The following TENM4 variants were observed in gnomAD, a reference collection of about 807,000 sequenced individuals.
The protein encoded by TENM4 is teneurin-4.
TENM4 carries 82 observed loss-of-function variants against 243.3 expected under a neutral mutation model. The ratio of observed to expected loss-of-function variants is 0.34; its 90% confidence interval spans 0.28 to 0.40. The LOEUF (loss-of-function observed/expected upper bound fraction) is 0.40. TENM4 is among the 10% of genes least tolerant of loss of function. TENM4 has a pLI of 1.00. For synonymous variants in TENM4, 1,412 were observed against 1,456.3 expected (o/e 0.97, Z 0.69); for missense variants, 3,138 against 3,673.3 (o/e 0.85, Z 3.77).
At chr11:78,706,815 C>T (rs780299080) in intron 27 of TENM4, among the ~76,000 whole-genome samples, 3 of 152,044 alleles carry the variant, frequency 2.0e-5, no homozygotes, top group Non-Finnish European at 4.4e-5. Context: ...TACTTGTATG[C>T]ACATCCTTAG....
At chr11:78,988,218 G>T (rs1857962565) in intron 6 of TENM4, among the ~76,000 whole-genome samples, 2 of 152,160 alleles carry the variant, frequency 1.3e-5, no homozygotes, top group Admixed American at 6.5e-5. Context: ...CTATGGAGGG[G>T]TCCATGTGTA....
intron 2 of TENM4, among the ~76,000 whole-genome samples, chr11:79,227,524 G>C (rs1443609100): frequency 6.6e-6 from 1 of 152,182 alleles, no homozygotes; most frequent in African/African-American, 2.4e-5. Context: ...CTTGGGCTGG[G>C]ATAAAGAGCC....
At chr11:78,908,335 A>G (rs1466032933) in intron 6 of TENM4, among the ~76,000 whole-genome samples, 1 of 152,240 alleles carries the variant, frequency 6.6e-6, no homozygotes, top group African/African-American at 2.4e-5. Context: ...GAGAATTAAA[A>G]GAGATAATGT....
intron 1 of TENM4, among the ~76,000 whole-genome samples, chr11:79,338,699 T>C (rs1048367813): frequency 6.6e-6 from 1 of 152,188 alleles, no homozygotes. Context: ...AGACAAGAAT[T>C]CCAAATTTTC....
intron 1 of TENM4, among the ~76,000 whole-genome samples, chr11:79,367,333 C>T (rs925149297): frequency 9.9e-5 from 15 of 152,206 alleles, no homozygotes; most frequent in Non-Finnish European, 1.3e-4. Flanking sequence ...TTGGAGGATT[C>T]CTTTACAAGA....
chr11:78,747,331 G>A (rs1439511969), intron 19 of TENM4, among the ~76,000 whole-genome samples: 1 of 152,234 alleles, frequency 6.6e-6, no homozygotes, highest in Non-Finnish European at 1.5e-5. Flanking sequence ...AGGGCACTAG[G>A]CTGCTGAAGT....
intron 6 of TENM4, among the ~76,000 whole-genome samples, chr11:78,961,290 A>T (rs1012782803): frequency 5.3e-5 from 8 of 152,174 alleles, no homozygotes; most frequent in Non-Finnish European, 1.0e-4. Context: ...ATCCTAGGTT[A>T]CCTCATGTAC....
At chr11:79,431,438 C>G (rs1203797036) in intron 1 of TENM4, among the ~76,000 whole-genome samples, 1 of 152,190 alleles carries the variant, frequency 6.6e-6, no homozygotes, top group Non-Finnish European at 1.5e-5. Context: ...CTGCCCATCT[C>G]TGATTATTTT....
At chr11:78,793,589 T>TG (rs1168671510) in intron 15 of TENM4, among the ~76,000 whole-genome samples, 1 of 152,246 alleles carries the variant, frequency 6.6e-6, no homozygotes, top group African/African-American at 2.4e-5. Flanking sequence ...TCAGAAATTC[T>TG]GGCATACTTA....
At chr11:79,393,898 G>T (rs1012806685) in intron 1 of TENM4, among the ~76,000 whole-genome samples, 4 of 152,206 alleles carry the variant, frequency 2.6e-5, no homozygotes, top group African/African-American at 7.2e-5. Context: ...GCAGTGGGGG[G>T]TTGGAGGATG....
At chr11:78,831,922 T>A (rs553142690) in intron 12 of TENM4, among the ~76,000 whole-genome samples, 1 of 152,318 alleles carries the variant, frequency 6.6e-6, no homozygotes, top group South Asian at 2.1e-4. Context: ...AGCCAGTCAA[T>A]ATACCCTTGC....
At chr11:78,730,734 T>C (rs1435013218) in intron 21 of TENM4, among the ~76,000 whole-genome samples, 2 of 152,244 alleles carry the variant, frequency 1.3e-5, no homozygotes, top group East Asian at 3.8e-4. Flanking sequence ...ATGGCTATTC[T>C]ACCCTACGTT....
intron 11 of TENM4, among the ~76,000 whole-genome samples, chr11:78,855,724 G>A (rs1049968110): frequency 3.3e-5 from 5 of 152,186 alleles, no homozygotes; most frequent in African/African-American, 1.2e-4. Context: ...TTAGGAGACT[G>A]AGTAATAGCA....
Position 79,079,106 on chromosome 11 carries a change from G to C in TENM4, c.-65-9097C>G, listed in dbSNP as rs1216244951. On this transcript the variant is annotated intron_variant, in intron 4 of 33. Coordinates refer to ENST00000278550, the MANE Select transcript of TENM4 (RefSeq NM_001098816.3). ...TTGATACGTGCCCTGTACAGAAAGAGAACTGTCGGGACAGAGACAGGGCTT... is the reference window on the plus strand; with the variant it reads ...TTGATACGTGCCCTGTACAGAAAGACAACTGTCGGGACAGAGACAGGGCTT... Among the ~76,000 whole-genome samples the C allele has an allele frequency of 3.9e-5, 6 of 152,386 alleles. No individual in the cohort carries two copies. The East Asian group carries it at 1.2e-3, about 29-fold the overall frequency.
intron 2 of TENM4, among the ~76,000 whole-genome samples, chr11:79,253,611 G>A (rs551632871): frequency 2.6e-5 from 4 of 152,260 alleles, no homozygotes; most frequent in African/African-American, 9.6e-5. Flanking sequence ...TGTCTGATTG[G>A]TACAGCTTCT....
intron 10 of TENM4, among the ~76,000 whole-genome samples, chr11:78,860,143 A>T (rs1858781203): frequency 6.6e-6 from 1 of 152,178 alleles, no homozygotes; most frequent in South Asian, 2.1e-4. Flanking sequence ...AATACCTCAA[A>T]CCTTTGCAGA....
intron 4 of TENM4, chr11:79,096,197 G>A (rs991118510): frequency 6.6e-6 from 1 of 152,214 alleles, no homozygotes; most frequent in Non-Finnish European, 1.5e-5. Flanking sequence ...GGGACCTGCT[G>A]TGCTGAGGAT....
chr11:78,990,579 A>G (rs1034917192), intron 6 of TENM4, among the ~76,000 whole-genome samples: 2 of 152,228 alleles, frequency 1.3e-5, no homozygotes, highest in Non-Finnish European at 1.5e-5. Context: ...GTGGAAAAAA[A>G]CAACTTGCAG....
At chr11:79,110,247 C>T (rs570828321) in intron 4 of TENM4, among the ~76,000 whole-genome samples, 1 of 152,290 alleles carries the variant, frequency 6.6e-6, no homozygotes, top group African/African-American at 2.4e-5. Flanking sequence ...AGGTTTTATC[C>T]ATTGCCATAA....
Sources: allele counts gnomAD v4.1 joint callset (sites outside exome capture counted in the v4.1 genomes callset), GRCh38; gene constraint gnomAD v4.1.1; transcripts MANE v1.5; gene names NCBI Gene and HGNC (gene_info 2026-07-23, HGNC 2026-07-21).